EPS15: variants seen among roughly 807,000 people sequenced by gnomAD.
EPS15 encodes epidermal growth factor receptor substrate 15.
EPS15 carries 72 observed loss-of-function variants against 113.8 expected under a neutral mutation model. The observed-to-expected ratio is 0.63, with a 90% CI of 0.52 to 0.77. The LOEUF is 0.77. Ranked by LOEUF, EPS15 falls within the 30% of genes least tolerant of loss-of-function variation. The pLI, the probability that EPS15 is intolerant of heterozygous loss-of-function variation, is 0.00. For synonymous variants in EPS15, 344 were observed against 363.4 expected (o/e 0.95, Z 0.61); for missense variants, 1,048 against 1,045.8 (o/e 1.00, Z -0.03).
chr1:51,421,448 A>T (rs72696103), intron 13 of EPS15, among the ~76,000 whole-genome samples: 1 of 152,064 alleles, frequency 6.6e-6, no homozygotes, highest in Admixed American at 6.6e-5. Context: ...TGAGATGATG[A>T]TCTCACTCTA....
chr1:51,514,692 A>G (rs2148570772), intron 1 of EPS15, among the ~76,000 whole-genome samples: 1 of 152,298 alleles, frequency 6.6e-6, no homozygotes, highest in Non-Finnish European at 1.5e-5. Context: ...AATAGAGTGA[A>G]AACAAAGGAA....
rs541656294 is a variant in EPS15 at position 51,503,738 on chromosome 1, C to A, written c.33+15461G>T. ...ATACTCAAGACAGTGTTGTACTGCACAGGACATATAGATCAATGGAACAGA... is the reference window on the plus strand; with the variant it reads ...ATACTCAAGACAGTGTTGTACTGCAAAGGACATATAGATCAATGGAACAGA... On this transcript the variant is annotated intron_variant, in intron 1 of 24. Coordinates refer to ENST00000371733, the MANE Select transcript of EPS15 (RefSeq NM_001981.3). 4.6e-5 allele frequency among the ~76,000 whole-genome samples: 7 copies of A among 152,178 alleles called. No individual in the cohort carries two copies. In the South Asian group the frequency reaches 1.5e-3, roughly 32 times the overall value.
rs1206234635 is a variant in EPS15 at position 51,406,089 on chromosome 1, T to G, written c.1493A>C (p.Glu498Ala). The change falls in exon 16 of 25, where the codon GAA becomes GCA. Residue 498 changes from glutamate (E) to alanine (A), a missense_variant. By Grantham distance (107) the Glu-to-Ala change is moderately radical. Coordinates refer to ENST00000371733, the MANE Select transcript of EPS15 (RefSeq NM_001981.3). ...ATTATGATTTTCCAAATCTTTCATT[T>G]CCATCAGTTTCATTTGCATCTGCCA... ...EISSMQMKLMEMKDLENHNSQ... is the reference protein window; with the variant it reads ...EISSMQMKLMAMKDLENHNSQ... The G allele has an allele frequency of 6.2e-7, 1 of 1,613,448 alleles. No homozygotes were observed. Among genetic ancestry groups the G allele is most frequent in the Non-Finnish European group, 8.5e-7 (1 of 1,179,800 alleles).
intron 1 of EPS15, among the ~76,000 whole-genome samples, chr1:51,498,309 T>C (rs1644360304): frequency 6.6e-6 from 1 of 152,240 alleles, no homozygotes; most frequent in South Asian, 2.1e-4. Context: ...ATCAATGTTG[T>C]ATAACCATCA....
chr1:51,428,825 T>TCA (rs1298552256), intron 12 of EPS15, among the ~76,000 whole-genome samples: 1 of 56,260 alleles, frequency 1.8e-5, no homozygotes, highest in East Asian at 4.6e-4. Flanking sequence ...AGACTCCATC[T>TCA]CAAAAAAAAA....
At chr1:51,395,515 T>TAC (rs1647843058) in intron 20 of EPS15, among the ~76,000 whole-genome samples, 1 of 147,854 alleles carries the variant, frequency 6.8e-6, no homozygotes, top group Admixed American at 6.8e-5. Context: ...TATACACACA[T>TAC]ACACACATAC....
intron 8 of EPS15, among the ~76,000 whole-genome samples, chr1:51,449,198 T>C (rs1031077880): frequency 2.6e-5 from 4 of 152,006 alleles, no homozygotes; most frequent in African/African-American, 9.7e-5. Flanking sequence ...TAAATGCCCA[T>C]CAATGGTAGA....
intron 1 of EPS15, among the ~76,000 whole-genome samples, chr1:51,482,246 G>C (rs942651868): frequency 2.6e-5 from 4 of 152,158 alleles, no homozygotes; most frequent in African/African-American, 9.7e-5. Flanking sequence ...ATCAGGATGG[G>C]AATCCAGGAA....
chr1:51,469,826 C>T (rs945432870), intron 4 of EPS15, among the ~76,000 whole-genome samples: 1 of 152,032 alleles, frequency 6.6e-6, no homozygotes, highest in African/African-American at 2.4e-5. Flanking sequence ...AAAACTACCG[C>T]CTATGTCACA....
chr1:51,435,202 T>G (rs1274177378), intron 12 of EPS15, among the ~76,000 whole-genome samples: 1 of 152,180 alleles, frequency 6.6e-6, no homozygotes, highest in Non-Finnish European at 1.5e-5. Flanking sequence ...TTTTTTCTTT[T>G]TTTGAGACTG....
intron 8 of EPS15, among the ~76,000 whole-genome samples, chr1:51,453,185 T>A (rs1328592732): frequency 6.6e-6 from 1 of 152,214 alleles, no homozygotes; most frequent in Non-Finnish European, 1.5e-5. Flanking sequence ...AAGTGCCTAG[T>A]GTACACATTA....
At chr1:51,364,330 G>C (rs928643116) in intron 22 of EPS15, among the ~76,000 whole-genome samples, 10 of 152,008 alleles carry the variant, frequency 6.6e-5, no homozygotes, top group Non-Finnish European at 1.3e-4. Flanking sequence ...AACCACCTGA[G>C]GCCCATTTTA....
chr1:51,445,001 TGATC>T lies in EPS15; in HGVS notation c.838_841del (p.Asp280SerfsTer8). 1 of 1,614,018 alleles carries T rather than the reference TGATC, an allele frequency of 6.2e-7. No individual in the cohort carries two copies. Among genetic ancestry groups the T allele is most frequent in the South Asian group, 1.1e-5 (1 of 91,074 alleles). On this transcript the variant is annotated frameshift_variant, in exon 11 of 25. Transcript: ENST00000371733. LOFTEE classifies it high-confidence loss of function. ...GATTAAGTGAAAAGCCAAGGCAAAC[TGATC>T]CTTTGAAAGCTTCCCACAGTCCTTT...
At chr1:51,428,019 C>G (rs1651372936) in intron 12 of EPS15, among the ~76,000 whole-genome samples, 1 of 151,966 alleles carries the variant, frequency 6.6e-6, no homozygotes, top group Admixed American at 6.6e-5. Flanking sequence ...TATAATCAAT[C>G]CTTAATAAGA....
chr1:51,370,386 T>C (rs1646617185), intron 21 of EPS15, among the ~76,000 whole-genome samples: 1 of 152,182 alleles, frequency 6.6e-6, no homozygotes, highest in Non-Finnish European at 1.5e-5. Flanking sequence ...CTGTATATGC[T>C]TATAAGTTGA....
intron 15 of EPS15, 43 bp from the exon 16 acceptor site, chr1:51,406,151 G>A (rs765228845): frequency 5.8e-6 from 9 of 1,556,248 alleles, no homozygotes; most frequent in Non-Finnish European, 7.9e-6. Context: ...TTTATTACTA[G>A]AAAGACATGT....
At chr1:51,413,113 T>C (rs7526469) in intron 13 of EPS15, among the ~76,000 whole-genome samples, 3,345 of 152,230 alleles carry the variant, frequency 0.022, 32 homozygotes, top group Middle Eastern at 0.034. Context: ...CCTTCTCCAA[T>C]AGACAACATA....
At chr1:51,513,283 A>G (rs1350341236) in intron 1 of EPS15, among the ~76,000 whole-genome samples, 3 of 152,208 alleles carry the variant, frequency 2.0e-5, no homozygotes, top group Non-Finnish European at 4.4e-5. Context: ...AAACAAAATA[A>G]ATGTCCAGCA....
intron 20 of EPS15, among the ~76,000 whole-genome samples, chr1:51,397,797 A>C (rs972069010): frequency 1.3e-5 from 2 of 152,232 alleles, no homozygotes; most frequent in Non-Finnish European, 2.9e-5. Context: ...AATATTCTTA[A>C]TCTAATAGTA....
Sources: allele counts gnomAD v4.1 joint callset (sites outside exome capture counted in the v4.1 genomes callset), GRCh38; gene constraint gnomAD v4.1.1; transcripts MANE v1.5; gene names NCBI Gene and HGNC (gene_info 2026-07-23, HGNC 2026-07-21).